Variants in UBE2D2 observed in about 807,000 individuals in gnomAD.
The protein encoded by UBE2D2 is ubiquitin conjugating enzyme E2 D2.
UBE2D2 carries 2 observed loss-of-function variants against 24.2 expected under a neutral mutation model. The observed-to-expected ratio is 0.08, with a 90% CI of 0.03 to 0.26. The LOEUF is 0.26. Ranked by LOEUF, UBE2D2 falls within the 10% of genes least tolerant of loss-of-function variation. The pLI, the probability that UBE2D2 is intolerant of heterozygous loss-of-function variation, is 1.00. For missense variants in UBE2D2, 44 were observed against 177.6 expected, an observed-to-expected ratio of 0.25 and a Z score of 4.28; for synonymous variants, 58 against 56.5, an observed-to-expected ratio of 1.03 and a Z score of -0.12.
intron 1 of UBE2D2, among the ~76,000 whole-genome samples, chr5:139,573,664 C>G (rs1298511630): frequency 6.6e-6 from 1 of 151,950 alleles, no homozygotes; most frequent in East Asian, 1.9e-4. Context: ...AAGGACTCTG[C>G]TTTCCATTTA....
rs563471363 is a variant in UBE2D2, at chr5:139,614,011, G to A, written c.89-575G>A. The stretch of plus-strand genomic sequence containing the variant: ...CGGGAGGCGGGGGTTGCAATGAGCC[G>A]AAATTGCGCCAGCGCACTCCAGCCT... On this transcript the variant is annotated intron_variant, in intron 2 of 6. Transcript: ENST00000398733. Among the ~76,000 whole-genome samples, 42 of 143,776 alleles carry A rather than the reference G, an allele frequency of 2.9e-4. 1 individual carries two copies. The highest frequency in any genetic ancestry group is 2.7e-3 in the Admixed American group (37 of 13,550). 94.3% of individuals were successfully genotyped at this position (143,776 alleles called of 152,430 possible).
At chr5:139,626,649 T>C (rs1354411251) in intron 6 of UBE2D2, 107 bp from the exon 7 acceptor site, 2 of 873,976 alleles carry the variant, frequency 2.3e-6, no homozygotes, top group Non-Finnish European at 3.7e-6. Context: ...TTTCCTTGAA[T>C]GTCCTATAAG....
intron 1 of UBE2D2, among the ~76,000 whole-genome samples, chr5:139,565,841 C>G (rs767738732): frequency 1.2e-4 from 18 of 151,976 alleles, no homozygotes; most frequent in Non-Finnish European, 2.4e-4. Flanking sequence ...AAATAAATAT[C>G]TTGATTCTTT....
At chr5:139,593,073 G>GCAA (rs1156959627) in intron 1 of UBE2D2, among the ~76,000 whole-genome samples, 1 of 143,438 alleles carries the variant, frequency 7.0e-6, no homozygotes, top group Non-Finnish European at 1.5e-5. Context: ...TCGGCTCACT[G>GCAA]CAACCTCCGC....
intron 1 of UBE2D2, chr5:139,562,247 C>T (rs1486677461): frequency 1.5e-6 from 2 of 1,364,800 alleles, no homozygotes; most frequent in Non-Finnish European, 9.7e-7. Context: ...GCCCTAGCTC[C>T]CTCCACAAAA....
At chr5:139,527,184 G>A (rs547958395) in intron 1 of UBE2D2, among the ~76,000 whole-genome samples, 1 of 152,134 alleles carries the variant, frequency 6.6e-6, no homozygotes, top group Non-Finnish European at 1.5e-5. Context: ...AGAAAGCCTG[G>A]AGAGGTCCCT....
rs1016810563 is a variant in UBE2D2 at position 139,627,024 on chromosome 5, T to C, written c.*223T>C. The C allele has an allele frequency of 8.0e-6, 4 of 498,910 alleles. No individual in the cohort carries two copies. Among genetic ancestry groups the C allele is most frequent in the African/African-American group, 1.9e-5 (1 of 51,314 alleles). The allele number at this position is 498,910 out of a possible 1,614,324, so 30.9% of individuals were successfully genotyped here. A position where few individuals can be genotyped will look rare whatever the true frequency, so the allele number is the denominator to read the frequency against. On this transcript the variant is annotated 3_prime_UTR_variant, in exon 7 of 7. Coordinates refer to ENST00000398733, the MANE Select transcript of UBE2D2 (RefSeq NM_003339.3). ...CATTGCCTCCTAGCAGAGAAGTGTG[T>C]GTGTGACAAGCCAGTTCTACAGGCA...
intron 1 of UBE2D2, among the ~76,000 whole-genome samples, chr5:139,545,641 G>T (rs1433838059): frequency 1.3e-5 from 2 of 151,000 alleles, no homozygotes; most frequent in South Asian, 2.1e-4. Flanking sequence ...GGCCAGGCTG[G>T]TCTTGAACTC....
At chr5:139,562,303 C>T (rs771686510) in intron 1 of UBE2D2, 2 of 1,351,188 alleles carry the variant, frequency 1.5e-6, no homozygotes, top group Middle Eastern at 2.1e-4. Context: ...GCCCGATCCA[C>T]AAGTATATCC....
At chr5:139,610,639 G>A (rs1334755479) in intron 2 of UBE2D2, among the ~76,000 whole-genome samples, 1 of 151,792 alleles carries the variant, frequency 6.6e-6, no homozygotes, top group East Asian at 1.9e-4. Flanking sequence ...TTGGGAGGCT[G>A]AGGTGAGGGG....
rs79190038 is a variant in UBE2D2, at chr5:139,550,617, C to T, written c.-64+24005C>T. The stretch of plus-strand genomic sequence containing the variant: ...ATCTTTGAGATAACTTGCTGCTGCT[C>T]ATTCTTTGGGTACACACTGAGTTTA... On this transcript the variant is annotated intron_variant, in intron 1 of 6. Coordinates refer to the UBE2D2 transcript ENST00000511725. Among the ~76,000 whole-genome samples, 335 of 152,100 alleles carry T rather than the reference C, an allele frequency of 2.2e-3. 2 individuals are homozygous for T. Among genetic ancestry groups the T allele is most frequent in the African/African-American group, 7.7e-3 (321 of 41,494 alleles).
intron 1 of UBE2D2, among the ~76,000 whole-genome samples, chr5:139,545,505 C>A (rs910237356): frequency 6.6e-6 from 1 of 150,750 alleles, no homozygotes; most frequent in Non-Finnish European, 1.5e-5. Flanking sequence ...AGGCTCACTG[C>A]AACTTCCGCC....
At chr5:139,612,555 A>G (rs888409284) in intron 2 of UBE2D2, among the ~76,000 whole-genome samples, 1 of 152,230 alleles carries the variant, frequency 6.6e-6, no homozygotes, top group Non-Finnish European at 1.5e-5. Flanking sequence ...ATGCAGGTAC[A>G]ATTAATACTC....
rs556121426 is a variant in UBE2D2 at position 139,566,495 on chromosome 5, G to A, written c.24+4680G>A. Among the ~76,000 whole-genome samples, 7 of 151,612 alleles carry A rather than the reference G, an allele frequency of 4.6e-5. No homozygotes were observed. In the South Asian group the frequency reaches 8.3e-4, roughly 18 times the overall value. On this transcript the variant is annotated intron_variant, in intron 1 of 6. Coordinates refer to ENST00000398733, the MANE Select transcript of UBE2D2 (RefSeq NM_003339.3). ...TCGAGACCAGCCTGAGCAACATGAC[G>A]AAACATGGTCTTTACAAAAAATACA...
At chr5:139,598,959 G>C (rs1157232826) in intron 1 of UBE2D2, among the ~76,000 whole-genome samples, 1 of 87,172 alleles carries the variant, frequency 1.1e-5, no homozygotes, top group Non-Finnish European at 2.1e-5. Context: ...ACAAAGTCTC[G>C]TTCTGTTGTC....
At chr5:139,575,402 T>C (rs1271129821) in intron 1 of UBE2D2, among the ~76,000 whole-genome samples, 1 of 152,166 alleles carries the variant, frequency 6.6e-6, no homozygotes, top group Non-Finnish European at 1.5e-5. Flanking sequence ...GTGTTAAATA[T>C]ATGTTTCACT....
chr5:139,575,403 A>G (rs952681886), intron 1 of UBE2D2, among the ~76,000 whole-genome samples: 1 of 152,168 alleles, frequency 6.6e-6, no homozygotes, highest in East Asian at 1.9e-4. Context: ...TGTTAAATAT[A>G]TGTTTCACTT....
chr5:139,609,672 C>T (rs1369952706), intron 2 of UBE2D2, among the ~76,000 whole-genome samples: 3 of 147,298 alleles, frequency 2.0e-5, no homozygotes, highest in Non-Finnish European at 4.5e-5. Context: ...CACCTGGCTG[C>T]GCATCTCTAT....
At position 139,627,081 on chromosome 5, in the gene UBE2D2, ATTGAC is replaced by A. The variant is rs1754647491; in HGVS notation, c.*283_*287del. The A allele has an allele frequency of 8.9e-6, 3 of 336,632 alleles. No homozygotes were observed. The South Asian group carries it at 1.1e-4, about 13-fold the overall frequency. The allele number at this position is 336,632 out of a possible 1,614,324, so 20.9% of individuals were successfully genotyped here. A position where few individuals can be genotyped will look rare whatever the true frequency, so the allele number is the denominator to read the frequency against. On this transcript the variant is annotated 3_prime_UTR_variant, in exon 7 of 7. Transcript: ENST00000398733. ...AGGTGTGAGACTAAAAGCTTTTCTT[ATTGAC>A]TTAAATTTGGATAACAGCAAGGTGT... is the stretch of plus-strand genomic sequence containing the variant.
Sources: allele counts gnomAD v4.1 joint callset (sites outside exome capture counted in the v4.1 genomes callset), GRCh38; gene constraint gnomAD v4.1.1; transcripts MANE v1.5; gene names NCBI Gene and HGNC (gene_info 2026-07-23, HGNC 2026-07-21).